The following TENM4 variants were observed in gnomAD, a reference collection of about 807,000 sequenced individuals.
The protein encoded by TENM4 is teneurin transmembrane protein 4.
Under a neutral mutation model 243.3 loss-of-function variants are expected in TENM4, and 82 were observed. That is an observed-to-expected ratio of 0.34 (90% CI 0.28 to 0.40). The LOEUF is 0.40. Among genes scored for constraint, TENM4 ranks in the 10% least tolerant of loss-of-function variants. The probability of loss-of-function intolerance (pLI) is 1.00; values close to 1 mark genes in which losing one functional copy is unlikely to be tolerated. For missense variants in TENM4, 3,138 were observed against 3,673.3 expected, an observed-to-expected ratio of 0.85 and a Z score of 3.77; for synonymous variants, 1,412 against 1,456.3, an observed-to-expected ratio of 0.97 and a Z score of 0.69.
chr11:79,107,508 T>C (rs76696618), intron 4 of TENM4, among the ~76,000 whole-genome samples: 3,938 of 152,278 alleles, frequency 0.026, 160 homozygotes, highest in African/African-American at 0.09. Flanking sequence ...TCAGCTAGGA[T>C]ATCACTAGCT....
chr11:79,432,431 G>A (rs563398281), intron 1 of TENM4, among the ~76,000 whole-genome samples: 109 of 152,332 alleles, frequency 7.2e-4, no homozygotes, highest in Non-Finnish European at 1.4e-3. Flanking sequence ...GGTCAAAGCA[G>A]AGCTGGGTTT....
chr11:79,161,438 A>G (rs942133887), intron 3 of TENM4, among the ~76,000 whole-genome samples: 2 of 152,196 alleles, frequency 1.3e-5, no homozygotes, highest in Non-Finnish European at 2.9e-5. Context: ...TTGATATAAG[A>G]CCACACTGGA....
At chr11:78,845,053 C>T (rs1199536226) in intron 12 of TENM4, among the ~76,000 whole-genome samples, 1 of 152,210 alleles carries the variant, frequency 6.6e-6, no homozygotes, top group Non-Finnish European at 1.5e-5. Flanking sequence ...TCACAACCTC[C>T]TTCTACATGC....
chr11:78,829,331 T>G (rs1025512922), intron 12 of TENM4, among the ~76,000 whole-genome samples: 4 of 152,190 alleles, frequency 2.6e-5, no homozygotes, highest in African/African-American at 9.6e-5. Flanking sequence ...GACGTGGGTA[T>G]GATTTCCAGC....
intron 19 of TENM4, among the ~76,000 whole-genome samples, chr11:78,740,252 C>G (rs1033355925): frequency 6.6e-6 from 1 of 152,114 alleles, no homozygotes; most frequent in African/African-American, 2.4e-5. Flanking sequence ...CTCTGTTGGA[C>G]GAGAAAAGCA....
chr11:79,174,457 C>T (rs956414254), intron 3 of TENM4, among the ~76,000 whole-genome samples: 1 of 152,150 alleles, frequency 6.6e-6, no homozygotes, highest in African/African-American at 2.4e-5. Flanking sequence ...ATGAAAAAAT[C>T]GATGCCTGTG....
intron 32 of TENM4, among the ~76,000 whole-genome samples, chr11:78,668,469 G>A (rs1409029470): frequency 1.3e-5 from 2 of 152,050 alleles, no homozygotes; most frequent in Non-Finnish European, 1.5e-5. Context: ...CCCAAATTGA[G>A]AACTAATTTT....
At chr11:78,895,196 C>T (rs2136306716) in intron 7 of TENM4, among the ~76,000 whole-genome samples, 1 of 151,776 alleles carries the variant, frequency 6.6e-6, no homozygotes, top group Middle Eastern at 3.4e-3. Context: ...ATTAGCTAGG[C>T]ACGGTGGCGG....
rs188708872 is a variant in TENM4 at position 79,355,519 on chromosome 11, C to A, written c.-320-57976G>T. On this transcript the variant is annotated intron_variant, in intron 1 of 33. Transcript: ENST00000278550. ...CTACACTCCAGCCTGGGTGACAGAG[C>A]GAGACTCCATCTCCAAACAAACAAA... Among the ~76,000 whole-genome samples the A allele has an allele frequency of 3.7e-3, 378 of 103,240 alleles. 1 individual carries two copies. Among genetic ancestry groups the A allele is most frequent in the Non-Finnish European group, 6.9e-3 (324 of 47,172 alleles). 67.7% of individuals were successfully genotyped at this position (103,240 alleles called of 152,430 possible). A position where few individuals can be genotyped will look rare whatever the true frequency, so the allele number is the denominator to read the frequency against.
At chr11:78,693,360 C>T (rs1858873662) in intron 28 of TENM4, among the ~76,000 whole-genome samples, 1 of 152,150 alleles carries the variant, frequency 6.6e-6, no homozygotes, top group Admixed American at 6.5e-5. Context: ...GATCACACAG[C>T]TCGTAGAGGA....
At chr11:78,901,468 C>G (rs978916087) in intron 7 of TENM4, among the ~76,000 whole-genome samples, 1 of 152,102 alleles carries the variant, frequency 6.6e-6, no homozygotes, top group Non-Finnish European at 1.5e-5. Context: ...GCTGGGACCA[C>G]CTTTACAACT....
At chr11:79,296,637 C>T (rs1856459290) in intron 2 of TENM4, among the ~76,000 whole-genome samples, 1 of 152,200 alleles carries the variant, frequency 6.6e-6, no homozygotes, top group East Asian at 1.9e-4. Context: ...CCAGGTGGAA[C>T]AGTCTGCTGT....
At chr11:78,922,017 C>T (rs80228994) in intron 6 of TENM4, among the ~76,000 whole-genome samples, 88 of 152,360 alleles carry the variant, frequency 5.8e-4, no homozygotes, top group South Asian at 2.9e-3. Context: ...AGTGTGGGAA[C>T]TGCTGGCACC....
At chr11:78,836,629 G>A (rs143283740) in intron 12 of TENM4, among the ~76,000 whole-genome samples, 12 of 152,322 alleles carry the variant, frequency 7.9e-5, no homozygotes, top group African/African-American at 2.9e-4. Flanking sequence ...CAGAACAGCA[G>A]GCTCGAGTTT....
At chr11:79,342,226 G>C (rs1316691267) in intron 1 of TENM4, among the ~76,000 whole-genome samples, 6 of 152,202 alleles carry the variant, frequency 3.9e-5, no homozygotes, top group African/African-American at 1.4e-4. Context: ...AGGTCATTTT[G>C]GGCTGACATG....
chr11:78,882,668 C>T (rs1382174076), intron 9 of TENM4, among the ~76,000 whole-genome samples: 3 of 152,246 alleles, frequency 2.0e-5, no homozygotes, highest in African/African-American at 7.2e-5. Flanking sequence ...GCACTTAATG[C>T]TCAAGTTCAC....
chr11:78,683,977 G>T (rs533823266), intron 29 of TENM4, among the ~76,000 whole-genome samples: 1 of 152,104 alleles, frequency 6.6e-6, no homozygotes, highest in Admixed American at 6.5e-5. Context: ...AGTAAGTGCT[G>T]GCTTAAGACT....
chr11:78,726,251 A>C (rs149958893), intron 22 of TENM4, 29 bp from the exon 23 acceptor site: 2 of 1,610,270 alleles, frequency 1.2e-6, no homozygotes, highest in African/African-American at 2.7e-5. Context: ...GGCAAAATGC[A>C]TAAGTGAGCA....
chr11:78,853,937 C>T (rs1858608969), intron 12 of TENM4, among the ~76,000 whole-genome samples, 167 bp downstream of exon 12: 1 of 152,180 alleles, frequency 6.6e-6, no homozygotes, highest in African/African-American at 2.4e-5. Flanking sequence ...CTCAGAATGG[C>T]GGGCGATTCC....
Sources: allele counts gnomAD v4.1 joint callset (sites outside exome capture counted in the v4.1 genomes callset), GRCh38; gene constraint gnomAD v4.1.1; transcripts MANE v1.5; gene names NCBI Gene and HGNC (gene_info 2026-07-23, HGNC 2026-07-21).